Variants in SPTBN1 observed in about 807,000 individuals in gnomAD.
SPTBN1 encodes the protein spectrin beta chain, non-erythrocytic 1.
Under a neutral mutation model 266.4 loss-of-function variants are expected in SPTBN1, and 32 were observed. The ratio of observed to expected loss-of-function variants is 0.12; its 90% CI spans 0.09 to 0.16. The LOEUF is 0.16. Among genes scored for constraint, SPTBN1 ranks in the 10% least tolerant of loss-of-function variants. The pLI, the probability that SPTBN1 is intolerant of heterozygous loss-of-function variation, is 1.00. For synonymous variants in SPTBN1, 1,336 were observed against 1,162.2 expected (o/e 1.15, Z -3.04); for missense variants, 2,296 against 3,067.1 (o/e 0.75, Z 5.94).
chr2:54,516,189 G>T (rs1381208570), intron 1 of SPTBN1: 1 of 152,136 alleles, frequency 6.6e-6, no homozygotes, highest in African/African-American at 2.4e-5. Flanking sequence ...CTTGGTTCAA[G>T]TCCTCTTGGT....
Position 54,554,915 on chromosome 2 carries a change from C to T in SPTBN1, c.148+28349C>T, listed in dbSNP as rs954323020. Among the ~76,000 whole-genome samples the T allele has an allele frequency of 6.6e-6, 1 of 152,202 alleles. No homozygotes were observed. The highest frequency in any genetic ancestry group is 2.4e-5 in the African/African-American group (1 of 41,458). On this transcript the variant is annotated intron_variant, in intron 2 of 35. Coordinates refer to ENST00000356805, the MANE Select transcript of SPTBN1 (RefSeq NM_003128.3). The surrounding 1 kb of genome is among the most constrained non-coding windows in gnomAD (Gnocchi z 4.5). ...ACTAGTCTCATCTTCATAGCTTCTTCTTCGTCCTCCTCCTCCTCCTTTCTC... is the reference window on the plus strand; with the variant it reads ...ACTAGTCTCATCTTCATAGCTTCTTTTTCGTCCTCCTCCTCCTCCTTTCTC...
At position 54,558,352 on chromosome 2, in the gene SPTBN1, A is replaced by C; in HGVS notation, c.148+31786A>C. 1 of 998,606 alleles carries C rather than the reference A, an allele frequency of 1.0e-6. No homozygotes were observed. Among genetic ancestry groups the C allele is most frequent in the Non-Finnish European group, 1.2e-6 (1 of 838,432 alleles). 61.9% of individuals were successfully genotyped at this position (998,606 alleles called of 1,614,324 possible). ...CCCAGCACACGGCGAGTGGCTCCTG[A>C]TAAAATTACAAACCGGCGGCCGCCG... On this transcript the variant is annotated intron_variant, in intron 2 of 35. Transcript: ENST00000356805. This position sits in a 1 kb window ranked among gnomAD's most constrained non-coding sequence, Gnocchi z 4.6.
intron 27 of SPTBN1, 128 bp from the exon 28 acceptor site, chr2:54,654,942 C>T (rs28364815): frequency 3.9e-6 from 5 of 1,288,740 alleles, no homozygotes; most frequent in Non-Finnish European, 5.2e-6. Context: ...GGGAGTGATT[C>T]AGACCTGAAA....
At chr2:54,490,889 T>G (rs1016807851) in intron 1 of SPTBN1, among the ~76,000 whole-genome samples, 4 of 152,080 alleles carry the variant, frequency 2.6e-5, no homozygotes, top group African/African-American at 9.7e-5. Context: ...CTGCTGTGGC[T>G]GGAATAAAGA....
Position 54,558,215 on chromosome 2 carries a change from C to A in SPTBN1, c.148+31649C>A. 3 of 985,390 alleles carry A rather than the reference C, an allele frequency of 3.0e-6. No homozygotes were observed. The highest frequency in any genetic ancestry group is 5.2e-4 in the Middle Eastern group (1 of 1,912). 61.0% of individuals were successfully genotyped at this position (985,390 alleles called of 1,614,324 possible). ...CCGGGCGGCTGGGGCGACCGCGGAC[C>A]GTGCGGGACCGGTAGGGGGTCGCGG... On this transcript the variant is annotated intron_variant, in intron 2 of 35. Transcript: ENST00000356805. The surrounding 1 kb of genome is among the most constrained non-coding windows in gnomAD (Gnocchi z 4.6).
chr2:54,623,576 C>T lies in SPTBN1; in HGVS notation c.1162C>T (p.Leu388Phe), dbSNP rs1248432966. The T allele has an allele frequency of 1.2e-5, 19 of 1,613,902 alleles. No individual in the cohort carries two copies. The Admixed American group carries it at 2.8e-4, about 24-fold the overall frequency. Residue 388 changes from leucine to phenylalanine, a missense_variant, in exon 10 of 36, where the codon CTC (leucine) becomes TTC (phenylalanine). Leu to Phe is a conservative substitution (Grantham distance 22, BLOSUM62 0). Around this residue, in one of 12 missense-constraint regions of SPTBN1, gnomAD observed 148 missense variants for 203.8 expected, o/e 0.73. Transcript: ENST00000356805. ...GGTCTACATGCCCCGGGAGGGGAAG[C>T]TCATCTCTGACATCAACAAGGTAAA... ...QKVYMPREGK[L>F]ISDINKAWER...
chr2:54,565,095 C>T (rs923277665), intron 2 of SPTBN1, among the ~76,000 whole-genome samples: 1 of 152,184 alleles, frequency 6.6e-6, no homozygotes, highest in African/African-American at 2.4e-5. Context: ...TTCTCACCTA[C>T]TGAATAAGAA....
intron 1 of SPTBN1, among the ~76,000 whole-genome samples, chr2:54,501,090 A>G (rs1669240993): frequency 6.6e-6 from 1 of 152,136 alleles, no homozygotes; most frequent in African/African-American, 2.4e-5. Flanking sequence ...ATCTCTCGTG[A>G]TCTTCTCTCG....
chr2:54,606,660 A>ATAGC (rs779826828), intron 3 of SPTBN1, among the ~76,000 whole-genome samples: 2 of 152,224 alleles, frequency 1.3e-5, no homozygotes, highest in African/African-American at 2.4e-5. Flanking sequence ...ATGAGAAATG[A>ATAGC]TAGCTGATCC....
At chr2:54,490,924 G>A (rs1167388097) in intron 1 of SPTBN1, among the ~76,000 whole-genome samples, 1 of 152,156 alleles carries the variant, frequency 6.6e-6, no homozygotes, top group African/African-American at 2.4e-5. Flanking sequence ...AGTGAAGGGA[G>A]CTGAGGCCAG....
intron 2 of SPTBN1, among the ~76,000 whole-genome samples, chr2:54,591,896 G>T (rs750823447): frequency 6.6e-6 from 1 of 152,176 alleles, no homozygotes; most frequent in African/African-American, 2.4e-5. Flanking sequence ...ATGGGGCTGG[G>T]TGCAGTGGCC....
At chr2:54,516,130 G>C (rs1284424710) in intron 1 of SPTBN1, 1 of 152,154 alleles carries the variant, frequency 6.6e-6, no homozygotes, top group East Asian at 1.9e-4. Flanking sequence ...TTGCCTTAGA[G>C]GGTAGGCCAA....
At chr2:54,591,887 T>A (rs1284580543) in intron 2 of SPTBN1, among the ~76,000 whole-genome samples, 2 of 152,126 alleles carry the variant, frequency 1.3e-5, no homozygotes, top group Non-Finnish European at 2.9e-5. Context: ...TAAATAAATA[T>A]GGGGCTGGGT....
intron 1 of SPTBN1, among the ~76,000 whole-genome samples, chr2:54,522,736 T>G (rs1245378949): frequency 7.7e-6 from 1 of 130,228 alleles, no homozygotes; most frequent in African/African-American, 3.0e-5. Flanking sequence ...AAGAAAGAAA[T>G]CTGTGGAAAG....
At chr2:54,590,702 T>C (rs551597032) in intron 2 of SPTBN1, among the ~76,000 whole-genome samples, 15 of 152,278 alleles carry the variant, frequency 9.9e-5, no homozygotes, top group African/African-American at 3.4e-4. Context: ...GAAAAAGCAG[T>C]GTGCAAGGTG....
At position 54,664,467 on chromosome 2, in the gene SPTBN1, G is replaced by A. The variant is rs1681245672; in HGVS notation, c.6435G>A (p.Val2145=). The change falls in exon 33 of 36, where the codon GTG becomes GTA. Residue 2145 remains valine (V), a synonymous_variant. Transcript: ENST00000356805. The surrounding 1 kb of genome is among the most constrained non-coding windows in gnomAD (Gnocchi z 5.6). ...EQGSPRMAET[V]DTSEMVNGAT... is the part of the protein sequence containing the mutation. ...GCTGTCCCTAGATGGCAGAAACGGT[G>A]GACACAAGCGAAATGGTCAACGGCG... 1.2e-6 allele frequency: 2 copies of A among 1,612,272 alleles called. No individual in the cohort carries two copies. Among genetic ancestry groups the A allele is most frequent in the South Asian group, 1.1e-5 (1 of 91,050 alleles).
chr2:54,607,193 A>G (rs1471933966), intron 3 of SPTBN1, among the ~76,000 whole-genome samples: 1 of 152,274 alleles, frequency 6.6e-6, no homozygotes. Context: ...CTGCAGGTAG[A>G]AAATATTCAA....
chr2:54,667,574 G>C (rs1253263330), intron 34 of SPTBN1, 30 bp from the exon 35 acceptor site: 1 of 1,608,968 alleles, frequency 6.2e-7, no homozygotes. Flanking sequence ...GTAATTAAGT[G>C]GTGACTAACT....
chr2:54,606,365 C>T (rs918810516), intron 3 of SPTBN1, among the ~76,000 whole-genome samples: 5 of 152,122 alleles, frequency 3.3e-5, no homozygotes, highest in African/African-American at 1.2e-4. Flanking sequence ...AAGTTTCTGT[C>T]CCCCTTGATC....
Sources: allele counts gnomAD v4.1 joint callset (sites outside exome capture counted in the v4.1 genomes callset), GRCh38; gene constraint gnomAD v4.1.1; regional missense constraint gnomAD v4.1.1; non-coding constraint Gnocchi (gnomAD v3.1); transcripts MANE v1.5; gene names NCBI Gene and HGNC (gene_info 2026-07-23, HGNC 2026-07-21).